CHSY3: variants seen among roughly 807,000 people sequenced by gnomAD.
CHSY3 encodes chondroitin sulfate synthase 3, also known as N-acetylgalactosaminyl-proteoglycan 3-beta-glucuronosyltransferase 3.
CHSY3 carries 35 observed loss-of-function variants against 67.2 expected under a neutral mutation model. That is an observed-to-expected ratio of 0.52 (90% CI 0.40 to 0.69). The LOEUF (loss-of-function observed/expected upper bound fraction) is 0.69. Ranked by LOEUF, CHSY3 falls within the 30% of genes least tolerant of loss-of-function variation. CHSY3 has a pLI of 0.00. For synonymous variants in CHSY3, 474 were observed against 434.7 expected, an observed-to-expected ratio of 1.09 and a Z score of -1.12; for missense variants, 1,069 against 1,138.5, an observed-to-expected ratio of 0.94 and a Z score of 0.88.
intron 2 of CHSY3, chr5:130,141,542 G>T (rs183871181): frequency 5.0e-6 from 2 of 402,230 alleles, no homozygotes; most frequent in Non-Finnish European, 9.7e-6. Context: ...AATGACAAGG[G>T]CCATTTGAGC....
intron 2 of CHSY3, among the ~76,000 whole-genome samples, chr5:130,166,814 T>G (rs116809586): frequency 6.6e-6 from 1 of 152,142 alleles, no homozygotes; most frequent in Non-Finnish European, 1.5e-5. Flanking sequence ...GAAACACTAC[T>G]AATCTCCTTG....
intron 2 of CHSY3, among the ~76,000 whole-genome samples, chr5:130,183,932 T>C (rs1359288541): frequency 7.3e-5 from 11 of 150,580 alleles, no homozygotes. Context: ...TGTGAGGTAA[T>C]GAATACATCA....
At chr5:130,110,269 G>T (rs1767549865) in intron 2 of CHSY3, among the ~76,000 whole-genome samples, 1 of 151,670 alleles carries the variant, frequency 6.6e-6, no homozygotes, top group Non-Finnish European at 1.5e-5. Context: ...AACAAAATTT[G>T]ACTAAAGCTT....
intron 2 of CHSY3, among the ~76,000 whole-genome samples, chr5:129,957,806 T>C (rs540679617): frequency 6.6e-6 from 1 of 152,256 alleles, no homozygotes; most frequent in Admixed American, 6.5e-5. Flanking sequence ...AGGTTCATAT[T>C]AATTTCAATA....
chr5:130,047,423 T>C (rs1342236036), intron 2 of CHSY3, among the ~76,000 whole-genome samples: 1 of 152,022 alleles, frequency 6.6e-6, no homozygotes, highest in African/African-American at 2.4e-5. Context: ...ATCTTACAAA[T>C]ATACCTTACC....
intron 2 of CHSY3, among the ~76,000 whole-genome samples, chr5:129,968,344 G>C (rs1377682289): frequency 6.6e-6 from 1 of 151,752 alleles, no homozygotes; most frequent in African/African-American, 2.4e-5. Flanking sequence ...TCTTTTTACA[G>C]ATGAACACTT....
intron 2 of CHSY3, among the ~76,000 whole-genome samples, chr5:130,070,600 C>A (rs114469426): frequency 6.6e-6 from 1 of 151,920 alleles, no homozygotes; most frequent in African/African-American, 2.4e-5. Flanking sequence ...TGGTTAAATG[C>A]GATTGGTTTT....
chr5:130,047,385 T>G (rs1765186007), intron 2 of CHSY3, among the ~76,000 whole-genome samples: 1 of 152,038 alleles, frequency 6.6e-6, no homozygotes, highest in African/African-American at 2.4e-5. Flanking sequence ...GTTATCAAGA[T>G]AAAGCAGACA....
rs1762892374 is a variant in CHSY3 at position 129,979,002 on chromosome 5, T to TCCTGGCTAACACGGTGAAA, written c.1086+70645_1086+70663dup. ...TCAGGAGGTCAGGAGATTGAGACCA[T>TCCTGGCTAACACGGTGAAA]CCTGGCTAACACGGTGAAACCCCCT... On this transcript the variant is annotated intron_variant, in intron 2 of 2. Transcript: ENST00000305031. Among the ~76,000 whole-genome samples the TCCTGGCTAACACGGTGAAA allele has an allele frequency of 3.3e-5, 5 of 151,452 alleles. No homozygotes were observed. In the South Asian group the frequency reaches 1.0e-3, roughly 32 times the overall value.
intron 2 of CHSY3, among the ~76,000 whole-genome samples, chr5:130,131,274 A>G (rs550509614): frequency 1.3e-5 from 2 of 152,182 alleles, no homozygotes; most frequent in East Asian, 1.9e-4. Flanking sequence ...AAAGTATCTA[A>G]AAGGCTAAAA....
intron 2 of CHSY3, among the ~76,000 whole-genome samples, chr5:130,064,437 C>T (rs957196777): frequency 6.6e-6 from 1 of 152,126 alleles, no homozygotes; most frequent in African/African-American, 2.4e-5. Flanking sequence ...TAATTCTTCA[C>T]TGCCCATCCT....
At chr5:130,153,597 G>A (rs1034328504) in intron 2 of CHSY3, among the ~76,000 whole-genome samples, 2 of 151,940 alleles carry the variant, frequency 1.3e-5, no homozygotes, top group African/African-American at 4.8e-5. Context: ...GCTCCTTGAA[G>A]GCAGGATTCT....
Position 130,096,361 on chromosome 5 carries a change from C to A in CHSY3, c.1087-87868C>A, listed in dbSNP as rs529750725. On this transcript the variant is annotated intron_variant, in intron 2 of 2. Coordinates refer to ENST00000305031, the MANE Select transcript of CHSY3 (RefSeq NM_175856.5). Reference sequence around the variant, plus strand: ...TAATTTTTTGCATTTTTAGTAGAGACAGGGTTTCACCCTGTCAACCAGTAT... The same window carrying A: ...TAATTTTTTGCATTTTTAGTAGAGAAAGGGTTTCACCCTGTCAACCAGTAT... Among the ~76,000 whole-genome samples, 11 of 152,210 alleles carry A rather than the reference C, an allele frequency of 7.2e-5. No individual in the cohort carries two copies. In the South Asian group the frequency reaches 1.7e-3, roughly 23 times the overall value.
intron 2 of CHSY3, among the ~76,000 whole-genome samples, chr5:130,181,754 A>G (rs944500629): frequency 6.6e-6 from 1 of 152,118 alleles, no homozygotes; most frequent in African/African-American, 2.4e-5. Context: ...GGTTAGCTTT[A>G]CCTGTTTCTG....
rs988057058 is a variant in CHSY3 at position 130,183,769 on chromosome 5, G to A, written c.1087-460G>A. ...AAGCCAGCTGGAGAGAGGGGTTGGG[G>A]AGATTTTTGTCAAATGATACCACAT... is the stretch of plus-strand genomic sequence containing the variant. On this transcript the variant is annotated intron_variant, in intron 2 of 2. Coordinates refer to ENST00000305031, the MANE Select transcript of CHSY3 (RefSeq NM_175856.5). Among the ~76,000 whole-genome samples, 7 of 152,184 alleles carry A rather than the reference G, an allele frequency of 4.6e-5. No individual in the cohort carries two copies. In the East Asian group the frequency reaches 7.7e-4, roughly 17 times the overall value.
intron 2 of CHSY3, among the ~76,000 whole-genome samples, chr5:129,972,196 A>G (rs1366085066): frequency 6.6e-6 from 1 of 152,088 alleles, no homozygotes; most frequent in Non-Finnish European, 1.5e-5. Context: ...CTTAAAAATT[A>G]TGACATAACC....
intron 2 of CHSY3, among the ~76,000 whole-genome samples, chr5:130,065,012 T>A (rs1390621262): frequency 6.6e-6 from 1 of 152,190 alleles, no homozygotes; most frequent in Non-Finnish European, 1.5e-5. Flanking sequence ...CATTACCCTG[T>A]GTCATTGATT....
At chr5:129,926,203 T>C (rs1179006904) in intron 2 of CHSY3, among the ~76,000 whole-genome samples, 1 of 152,058 alleles carries the variant, frequency 6.6e-6, no homozygotes, top group Non-Finnish European at 1.5e-5. Context: ...AAGTTCTTTT[T>C]ATTTCCCTTG....
chr5:130,070,389 CA>C (rs1183220142), intron 2 of CHSY3, among the ~76,000 whole-genome samples: 6 of 151,838 alleles, frequency 4.0e-5, no homozygotes, highest in African/African-American at 1.2e-4. Context: ...GTTTTCAGAC[CA>C]AAACAAGCTA....
Sources: allele counts gnomAD v4.1 joint callset (sites outside exome capture counted in the v4.1 genomes callset), GRCh38; gene constraint gnomAD v4.1.1; transcripts MANE v1.5; gene names NCBI Gene and HGNC (gene_info 2026-07-23, HGNC 2026-07-21).